Variants in CTIF observed in about 807,000 individuals in gnomAD.
CTIF encodes CBP80/20-dependent translation initiation factor.
A neutral mutation model predicts 66.0 loss-of-function variants in CTIF; 21 were observed. The ratio of observed to expected loss-of-function variants is 0.32; its 90% CI spans 0.23 to 0.46. The LOEUF (loss-of-function observed/expected upper bound fraction) is 0.46. CTIF is among the 20% of genes least tolerant of loss of function. The pLI is 1.00. For synonymous variants in CTIF, 345 were observed against 326.4 expected, an observed-to-expected ratio of 1.06 and a Z score of -0.62; for missense variants, 739 against 812.7, an observed-to-expected ratio of 0.91 and a Z score of 1.10.
chr18:48,677,604 C>T (rs548965782), intron 6 of CTIF, among the ~76,000 whole-genome samples: 26 of 152,288 alleles, frequency 1.7e-4, no homozygotes, highest in South Asian at 8.3e-4. Context: ...CTTTACAGAC[C>T]GATGTCTTTG....
chr18:48,625,174 T>G (rs2090571790), intron 2 of CTIF: 1 of 981,848 alleles, frequency 1.0e-6, no homozygotes, highest in African/African-American at 1.7e-5. Flanking sequence ...TTTTTCCTGA[T>G]GTCTTTGCTC....
chr18:48,623,479 T>TA (rs2090534912), intron 2 of CTIF, among the ~76,000 whole-genome samples: 1 of 151,470 alleles, frequency 6.6e-6, no homozygotes, highest in Non-Finnish European at 1.5e-5. Flanking sequence ...AGATACTTTT[T>TA]AAAAAAATTC....
chr18:48,681,043 C>G (rs187151515), intron 6 of CTIF, among the ~76,000 whole-genome samples: 1 of 152,106 alleles, frequency 6.6e-6, no homozygotes, highest in Non-Finnish European at 1.5e-5. Context: ...CGGCAGGCGG[C>G]CCCCCCAGGA....
At chr18:48,708,631 C>G (rs2145458467) in intron 6 of CTIF, among the ~76,000 whole-genome samples, 1 of 152,332 alleles carries the variant, frequency 6.6e-6, no homozygotes, top group Admixed American at 6.5e-5. Context: ...CTGGATTGTT[C>G]CTGGAGAGGG....
intron 3 of CTIF, among the ~76,000 whole-genome samples, chr18:48,649,119 GC>G (rs1422104829): frequency 1.3e-5 from 2 of 152,184 alleles, no homozygotes; most frequent in African/African-American, 4.8e-5. Flanking sequence ...AGTGGACGCA[GC>G]CCACAGAAGG....
At chr18:48,837,297 C>T (rs189978063) in intron 10 of CTIF, among the ~76,000 whole-genome samples, 8 of 152,254 alleles carry the variant, frequency 5.3e-5, no homozygotes, top group African/African-American at 1.4e-4. Flanking sequence ...AGGGTGGGGG[C>T]GAGAAGGGGG....
intron 3 of CTIF, among the ~76,000 whole-genome samples, chr18:48,641,401 A>T (rs1441101481): frequency 6.6e-6 from 1 of 152,364 alleles, no homozygotes; most frequent in East Asian, 1.9e-4. Context: ...CTGTTAAGCA[A>T]GGTGATGAAA....
Position 48,860,457 on chromosome 18 carries a change from G to GA in CTIF, c.*898_*899insA. On this transcript the variant is annotated 3_prime_UTR_variant, in exon 12 of 12. Coordinates refer to ENST00000256413, the MANE Select transcript of CTIF (RefSeq NM_014772.3). ...AATTGGAAACTTCTGCCCCGGCGGG[G>GA]GGTCCCCGCTGGAATCCTGTGTTCC... The GA allele has an allele frequency of 6.4e-6, 1 of 157,464 alleles. No homozygotes were observed. Among genetic ancestry groups the GA allele is most frequent in the Non-Finnish European group, 1.4e-5 (1 of 71,196 alleles). The allele number at this position is 157,464 out of a possible 1,614,324, so 9.8% of individuals were successfully genotyped here.
rs778604415 is a variant in CTIF at position 48,609,656 on chromosome 18, A to G, written c.-28-9882A>G. Among the ~76,000 whole-genome samples, 83 of 152,062 alleles carry G rather than the reference A, an allele frequency of 5.5e-4. 2 individuals carry two copies. Among genetic ancestry groups the G allele is most frequent in the Non-Finnish European group, 1.6e-4 (11 of 68,004 alleles). On this transcript the variant is annotated intron_variant, in intron 1 of 11. Transcript: ENST00000256413. Reference sequence around the variant, plus strand: ...GGACCCATAAGCATGATGTCACCCTATTTTACGAGTGGGGGCAGTGAGGAA... The same window carrying G: ...GGACCCATAAGCATGATGTCACCCTGTTTTACGAGTGGGGGCAGTGAGGAA...
intron 3 of CTIF, among the ~76,000 whole-genome samples, chr18:48,642,922 G>A (rs9945465): frequency 0.76 from 115,973 of 152,048 alleles, 45,049 homozygotes; most frequent in East Asian, 0.99. Flanking sequence ...TGTCACTTCC[G>A]CTCTGAGCTT....
At chr18:48,589,193 C>G (rs920184221) in intron 1 of CTIF, among the ~76,000 whole-genome samples, 2 of 152,166 alleles carry the variant, frequency 1.3e-5, no homozygotes, top group African/African-American at 4.8e-5. Context: ...ACAGCAGAAA[C>G]TCATTCTTTT....
intron 7 of CTIF, among the ~76,000 whole-genome samples, chr18:48,741,398 T>A (rs1377108837): frequency 7.2e-6 from 1 of 139,852 alleles, no homozygotes; most frequent in Non-Finnish European, 1.5e-5. Context: ...CCTGGCCCAC[T>A]CCATCAGCCA....
intron 10 of CTIF, chr18:48,834,677 C>T (rs1211045519): frequency 6.6e-6 from 1 of 152,662 alleles, no homozygotes; most frequent in Non-Finnish European, 1.5e-5. Flanking sequence ...AAACTGAGGC[C>T]CAGAGGCAAC....
chr18:48,549,405 T>C (rs985596427), intron 1 of CTIF, among the ~76,000 whole-genome samples: 1 of 152,244 alleles, frequency 6.6e-6, no homozygotes, highest in East Asian at 1.9e-4. Context: ...AAAAGAACAG[T>C]GTACTAACGA....
intron 5 of CTIF, among the ~76,000 whole-genome samples, chr18:48,667,547 G>T (rs1400221109): frequency 6.6e-6 from 1 of 152,170 alleles, no homozygotes; most frequent in Non-Finnish European, 1.5e-5. Context: ...CATGTTGAAG[G>T]CAAGCTTGCC....
intron 10 of CTIF, among the ~76,000 whole-genome samples, chr18:48,856,557 C>A (rs1056032914): frequency 2.0e-5 from 3 of 152,166 alleles, no homozygotes; most frequent in Non-Finnish European, 4.4e-5. Context: ...CATATCCTTA[C>A]AATGGAATAT....
At chr18:48,686,641 G>A (rs1047832247) in intron 6 of CTIF, among the ~76,000 whole-genome samples, 10 of 152,156 alleles carry the variant, frequency 6.6e-5, no homozygotes, top group Non-Finnish European at 1.2e-4. Flanking sequence ...TTTGCCTGGT[G>A]GTGGGGACCA....
intron 6 of CTIF, among the ~76,000 whole-genome samples, chr18:48,680,952 G>T (rs2091729750): frequency 6.6e-6 from 1 of 152,242 alleles, no homozygotes; most frequent in South Asian, 2.1e-4. Context: ...AGCAGTGGTG[G>T]TGGAGGGGGC....
In CTIF at chr18:48,663,782, C is replaced by G; in HGVS notation, c.283C>G (p.Leu95Val). 1 of 1,614,150 alleles carries G rather than the reference C, an allele frequency of 6.2e-7. No homozygotes were observed. Among genetic ancestry groups the G allele is most frequent in the Non-Finnish European group, 8.5e-7 (1 of 1,179,996 alleles). ...NGSKDNSLDM[L>V]GTDIWAANTF... ...CAGCAAAGACAACTCTCTGGACATGCTGGGCACGGACATCTGGGCGGCCAA... is the reference window on the plus strand; with the variant it reads ...CAGCAAAGACAACTCTCTGGACATGGTGGGCACGGACATCTGGGCGGCCAA... Residue 95 changes from leucine (L) to valine (V), a missense_variant, in exon 4 of 12, where the codon CTG (leucine) becomes GTG (valine). Coordinates refer to ENST00000256413, the MANE Select transcript of CTIF (RefSeq NM_014772.3).
Sources: allele counts gnomAD v4.1 joint callset (sites outside exome capture counted in the v4.1 genomes callset), GRCh38; gene constraint gnomAD v4.1.1; transcripts MANE v1.5; gene names NCBI Gene and HGNC (gene_info 2026-07-23, HGNC 2026-07-21).